ROBO2: variants seen among roughly 807,000 people sequenced by gnomAD.
The protein encoded by ROBO2 is roundabout homolog 2.
A neutral mutation model predicts 160.8 loss-of-function variants in ROBO2; 53 were observed. That is an observed-to-expected ratio of 0.33 (90% confidence interval 0.26 to 0.41). The LOEUF is 0.41. Among genes scored for constraint, ROBO2 ranks in the 10% least tolerant of loss-of-function variants. The probability of loss-of-function intolerance (pLI) is 1.00; values close to 1 mark genes in which losing one functional copy is unlikely to be tolerated. For missense variants in ROBO2, 1,577 were observed against 1,722.4 expected (o/e 0.92, Z 1.49); for synonymous variants, 664 against 611.7 (o/e 1.09, Z -1.26).
intron 2 of ROBO2, among the ~76,000 whole-genome samples, chr3:76,974,954 T>C (rs1332076034): frequency 1.3e-5 from 2 of 152,100 alleles, no homozygotes; most frequent in African/African-American, 2.4e-5. Context: ...AGGATTCCTT[T>C]TGAATTAAAA....
At chr3:76,141,159 C>CTCTATATATATATATATATATATA (rs1364431015) in intron 2 of ROBO2, among the ~76,000 whole-genome samples, 1 of 9,178 alleles carries the variant, frequency 1.1e-4, no homozygotes, top group African/African-American at 4.3e-4. Context: ...CTCTCTCTCT[C>CTCTATATATATATATATATATATA]TATATATATA....
chr3:76,804,170 C>T (rs941619844), intron 2 of ROBO2, among the ~76,000 whole-genome samples: 46 of 152,096 alleles, frequency 3.0e-4, no homozygotes, highest in African/African-American at 9.9e-4. Context: ...ACGATGAATG[C>T]TAAGGGGTTT....
At chr3:77,419,132 G>A (rs2077498200) in intron 2 of ROBO2, among the ~76,000 whole-genome samples, 1 of 152,024 alleles carries the variant, frequency 6.6e-6, no homozygotes, top group South Asian at 2.1e-4. Context: ...TAGAAGCAGA[G>A]AGACAGATTC....
intron 2 of ROBO2, among the ~76,000 whole-genome samples, chr3:77,195,836 T>A (rs2082259472): frequency 3.3e-5 from 5 of 152,180 alleles, no homozygotes; most frequent in Admixed American, 3.3e-4. Context: ...CCAGACCTCA[T>A]TATATTATCC....
At chr3:76,052,809 G>A (rs76782610) in intron 2 of ROBO2, among the ~76,000 whole-genome samples, 1,754 of 152,000 alleles carry the variant, frequency 0.012, 15 homozygotes, top group Middle Eastern at 0.024. Flanking sequence ...GTGATATTTT[G>A]TAAAGCTCAT....
At chr3:76,986,131 T>C (rs1444581790) in intron 2 of ROBO2, among the ~76,000 whole-genome samples, 2 of 152,178 alleles carry the variant, frequency 1.3e-5, no homozygotes, top group African/African-American at 4.8e-5. Flanking sequence ...ACCATCACAA[T>C]AGAAAAGCTG....
intron 2 of ROBO2, among the ~76,000 whole-genome samples, chr3:76,251,403 G>T (rs1390922263): frequency 1.3e-5 from 2 of 152,016 alleles, no homozygotes; most frequent in Admixed American, 1.3e-4. Context: ...GAGGAGAAAA[G>T]AATACATTTA....
chr3:77,362,214 A>C (rs1412715782), intron 2 of ROBO2, among the ~76,000 whole-genome samples: 1 of 152,160 alleles, frequency 6.6e-6, no homozygotes, highest in African/African-American at 2.4e-5. Context: ...AGTCAGGTCT[A>C]TTGCAATAGA....
At chr3:76,607,996 T>C (rs1441401440) in intron 2 of ROBO2, among the ~76,000 whole-genome samples, 2 of 152,228 alleles carry the variant, frequency 1.3e-5, no homozygotes, top group South Asian at 2.1e-4. Flanking sequence ...TATGGATTCA[T>C]AGAGTTGTTA....
chr3:76,667,123 A>G (rs573952218), intron 2 of ROBO2, among the ~76,000 whole-genome samples: 1 of 152,256 alleles, frequency 6.6e-6, no homozygotes, highest in Admixed American at 6.5e-5. Flanking sequence ...TATGCTTCTT[A>G]ATAGCATAAA....
intron 2 of ROBO2, among the ~76,000 whole-genome samples, chr3:76,611,739 G>A (rs184956837): frequency 5.3e-4 from 81 of 151,972 alleles, no homozygotes; most frequent in Non-Finnish European, 4.7e-4. Flanking sequence ...TTGATCATTT[G>A]TATTGTTTTC....
chr3:76,800,007 TG>T (rs2064076300), intron 2 of ROBO2, among the ~76,000 whole-genome samples: 1 of 152,168 alleles, frequency 6.6e-6, no homozygotes, highest in African/African-American at 2.4e-5. Flanking sequence ...TGCATGGTAC[TG>T]GCATAAAAAC....
intron 2 of ROBO2, among the ~76,000 whole-genome samples, chr3:76,648,271 GAT>G (rs2091079401): frequency 1.3e-5 from 2 of 151,876 alleles, no homozygotes; most frequent in Non-Finnish European, 2.9e-5. Context: ...CTGTGAAAAA[GAT>G]ATAAATTTTC....
intron 2 of ROBO2, among the ~76,000 whole-genome samples, chr3:77,006,834 A>G (rs557048597): frequency 7.0e-4 from 106 of 152,250 alleles, no homozygotes; most frequent in African/African-American, 2.5e-3. Context: ...ATAAAAATCA[A>G]AAGTTAAAAA....
At chr3:77,563,127 T>C in intron 10 of ROBO2, 40 bp from the exon 12 acceptor site, 4 of 1,602,602 alleles carry the variant, frequency 2.5e-6, no homozygotes, top group South Asian at 1.1e-5. Context: ...TGTCAACTTA[T>C]GCAATCAGGA....
At chr3:76,301,731 A>G (rs72630396) in intron 2 of ROBO2, among the ~76,000 whole-genome samples, 5,329 of 152,188 alleles carry the variant, frequency 0.035, 338 homozygotes, top group East Asian at 0.27. Flanking sequence ...TTTCTCTCAA[A>G]TGAACACAAA....
intron 2 of ROBO2, among the ~76,000 whole-genome samples, chr3:76,853,623 T>C (rs1322395385): frequency 6.6e-6 from 1 of 152,132 alleles, no homozygotes; most frequent in Non-Finnish European, 1.5e-5. Flanking sequence ...AGTGTGGCAT[T>C]GGCCTGCAAT....
rs1185939259 is a variant in ROBO2, at chr3:77,238,857, T to A, written c.388+140517T>A. 2.0e-5 allele frequency among the ~76,000 whole-genome samples: 3 copies of A among 152,168 alleles called. No individual in the cohort carries two copies. In the East Asian group the frequency reaches 5.8e-4, roughly 29 times the overall value. ...ACGTAGATGTTTACACTGGAGCAAT[T>A]CTGTTTTCTCCTCTACTTGCAGATA... On this transcript the variant is annotated intron_variant, in intron 2 of 25. Transcript: ENST00000461745.
chr3:77,308,412 G>T (rs958690349), intron 2 of ROBO2, among the ~76,000 whole-genome samples: 1 of 152,062 alleles, frequency 6.6e-6, no homozygotes, highest in Admixed American at 6.6e-5. Context: ...CTAGGCATTA[G>T]TCTAGGTGGG....
Sources: allele counts gnomAD v4.1 joint callset (sites outside exome capture counted in the v4.1 genomes callset), GRCh38; gene constraint gnomAD v4.1.1; transcripts MANE v1.5; gene names NCBI Gene and HGNC (gene_info 2026-07-23, HGNC 2026-07-21).